The following CAND2 variants were observed in gnomAD, a reference collection of about 807,000 sequenced individuals.
CAND2 encodes the protein cullin-associated NEDD8-dissociated protein 2.
A neutral mutation model predicts 98.9 loss-of-function variants in CAND2; 62 were observed. That is an observed-to-expected ratio of 0.63 (90% CI 0.51 to 0.77). The LOEUF (loss-of-function observed/expected upper bound fraction) is 0.77. Ranked by LOEUF, CAND2 falls within the 30% of genes least tolerant of loss-of-function variation. CAND2 has a pLI of 0.00. For synonymous variants in CAND2, 770 were observed against 731.9 expected (o/e 1.05, Z -0.84); for missense variants, 1,501 against 1,655.2 (o/e 0.91, Z 1.62).
At position 12,819,958 on chromosome 3, in the gene CAND2, C is replaced by T. The variant is rs769674684; in HGVS notation, c.2945-128C>T. 1.3e-5 allele frequency: 9 copies of T among 696,822 alleles called. No individual in the cohort carries two copies. In the African/African-American group the frequency reaches 1.6e-4, roughly 12 times the overall value. The allele number at this position is 696,822 out of a possible 1,614,324, so 43.2% of individuals were successfully genotyped here. A position where few individuals can be genotyped will look rare whatever the true frequency, so the allele number is the denominator to read the frequency against. ...AGGGAAATGGTAGAATCCACTTTCC[C>T]AGAGATGGGGAGGGGGTACAGTTCT... On this transcript the variant is annotated intron_variant, in intron 10 of 14. Coordinates refer to ENST00000456430, the MANE Select transcript of CAND2 (RefSeq NM_001162499.2).
intron 1 of CAND2, among the ~76,000 whole-genome samples, chr3:12,801,686 A>G (rs2061768083): frequency 6.6e-6 from 1 of 152,156 alleles, no homozygotes. Context: ...CCAGTCAGCT[A>G]TTGGCGCTGG....
intron 10 of CAND2, among the ~76,000 whole-genome samples, chr3:12,819,865 C>T (rs1222603379): frequency 6.6e-6 from 1 of 152,142 alleles, no homozygotes; most frequent in African/African-American, 2.4e-5. Context: ...TGTGGTGTTA[C>T]CTGAGCACTG....
intron 2 of CAND2, among the ~76,000 whole-genome samples, chr3:12,804,319 C>T (rs575278045): frequency 3.9e-5 from 6 of 152,030 alleles, no homozygotes; most frequent in South Asian, 2.1e-4. Flanking sequence ...AAAAAGTTGC[C>T]GGGCATGGTG....
At chr3:12,810,013 T>A in intron 4 of CAND2, 46 bp from the exon 5 acceptor site, 1 of 1,379,424 alleles carries the variant, frequency 7.2e-7, no homozygotes. Context: ...CTGGCCCAGG[T>A]TGCCCGCGGA....
At chr3:12,826,512 C>T (rs560384456) in intron 12 of CAND2, among the ~76,000 whole-genome samples, 12 of 152,152 alleles carry the variant, frequency 7.9e-5, no homozygotes, top group Non-Finnish European at 1.8e-4. Context: ...ACTGCAGCCT[C>T]GACCTCCTGG....
chr3:12,817,976 T>C, intron 10 of CAND2, 100 bp downstream of exon 10: 2 of 1,102,368 alleles, frequency 1.8e-6, no homozygotes, highest in Non-Finnish European at 2.5e-6. Context: ...TTCAAGTCAC[T>C]GGATACAAGA....
Position 12,816,825 on chromosome 3 carries a change from C to G in CAND2, c.1893C>G (p.Ile631Met). The change falls in exon 10 of 15, where the codon ATC becomes ATG. Residue 631 changes from isoleucine to methionine, a missense_variant. By Grantham distance (10) the Ile-to-Met change is conservative. This residue lies in a region of CAND2 where 1,427 missense variants were observed against 1,545.3 expected (regional missense o/e 0.92). Transcript: ENST00000456430. The stretch of plus-strand genomic sequence containing the variant: ...ATGAGATCACCCGGCTGCCCGCCAT[C>G]AAGGCGCTTACGCTGGTGGCCGTAT... ...LRNEITRLPAIKALTLVAVSP... is the reference protein window; with the variant it reads ...LRNEITRLPAMKALTLVAVSP... The G allele has an allele frequency of 6.2e-7, 1 of 1,613,752 alleles. No homozygotes were observed. Among genetic ancestry groups the G allele is most frequent in the Non-Finnish European group, 8.5e-7 (1 of 1,180,038 alleles).
chr3:12,804,686 T>C (rs964784683), intron 2 of CAND2, among the ~76,000 whole-genome samples: 2 of 152,136 alleles, frequency 1.3e-5, no homozygotes, highest in African/African-American at 2.4e-5. Flanking sequence ...GCAGAGGTTG[T>C]CAAGCTTGAC....
chr3:12,796,829 G>T lies in CAND2; in HGVS notation c.68+41G>T, dbSNP rs1355382096. ...GGCCCCCTTCTCTCCTTCCCGCTCT[G>T]AAGCCGGGGGCCTTCTTCCCCTCTC... On this transcript the variant is annotated intron_variant, in intron 1 of 14. Transcript: ENST00000456430. The T allele has an allele frequency of 8.6e-6, 13 of 1,514,440 alleles. No individual in the cohort carries two copies. The Admixed American group carries it at 1.2e-4, about 13-fold the overall frequency. 93.8% of individuals were successfully genotyped at this position (1,514,440 alleles called of 1,614,324 possible). A position where few individuals can be genotyped will look rare whatever the true frequency, so the allele number is the denominator to read the frequency against.
chr3:12,830,715 G>A (rs777818986), intron 13 of CAND2, among the ~76,000 whole-genome samples: 2 of 152,190 alleles, frequency 1.3e-5, no homozygotes, highest in Non-Finnish European at 2.9e-5. Context: ...AGTGAACACC[G>A]CCCAGTTCAC....
In CAND2 at chr3:12,834,060, G is replaced by A. The variant is rs370842615; in HGVS notation, c.*78G>A. 6.3e-5 allele frequency: 75 copies of A among 1,196,438 alleles called. 2 individuals carry two copies. Among genetic ancestry groups the A allele is most frequent in the Admixed American group, 2.3e-4 (13 of 55,688 alleles). The allele number at this position is 1,196,438 out of a possible 1,614,324, so 74.1% of individuals were successfully genotyped here. On this transcript the variant is annotated 3_prime_UTR_variant, in exon 15 of 15. Transcript: ENST00000456430. Reference sequence around the variant, plus strand: ...TCCGAGGCCTCCCCATCCCACCATCGCAGGTCTCTACTTTTGCCCTTCCAC... The same window carrying A: ...TCCGAGGCCTCCCCATCCCACCATCACAGGTCTCTACTTTTGCCCTTCCAC...
In CAND2 at chr3:12,817,483, G is replaced by A; in HGVS notation, c.2551G>A (p.Gly851Ser). The A allele has an allele frequency of 6.2e-7, 1 of 1,613,568 alleles. No homozygotes were observed. ...VLAFLSLAEV[G>S]QVAGPGHQRE... ...GGCATTCTTGTCGCTGGCTGAGGTG[G>A]GTCAGGTGGCTGGGCCAGGCCACCA... The change falls in exon 10 of 15, where the codon GGT (glycine) becomes AGT (serine). Residue 851 changes from glycine (G) to serine (S), a missense_variant. This residue lies in a region of CAND2 where 1,427 missense variants were observed against 1,545.3 expected (regional missense o/e 0.92). Transcript: ENST00000456430.
At chr3:12,798,389 C>G (rs1034957200) in intron 1 of CAND2, among the ~76,000 whole-genome samples, 7 of 152,134 alleles carry the variant, frequency 4.6e-5, no homozygotes, top group African/African-American at 1.7e-4. Context: ...CTTTTCAGCC[C>G]TGGGAGACCC....
chr3:12,796,886 G>C, intron 1 of CAND2, 98 bp downstream of exon 1: 1 of 928,730 alleles, frequency 1.1e-6, no homozygotes, highest in Non-Finnish European at 1.7e-6. Context: ...TGACCATGCA[G>C]CCCCCTGCCT....
intron 11 of CAND2, among the ~76,000 whole-genome samples, chr3:12,823,876 G>A (rs1214525021): frequency 6.6e-6 from 1 of 152,242 alleles, no homozygotes; most frequent in Admixed American, 6.5e-5. Context: ...CGTCCTGGGC[G>A]ACAGAGCGAG....
At chr3:12,809,564 T>G (rs1319789590) in intron 4 of CAND2, among the ~76,000 whole-genome samples, 1 of 152,138 alleles carries the variant, frequency 6.6e-6, no homozygotes, top group African/African-American at 2.4e-5. Context: ...AGGCAGGAGC[T>G]GTGCTGTGTG....
At chr3:12,808,362 A>G (rs2124841823) in intron 4 of CAND2, 29 bp downstream of exon 4, 1 of 1,550,272 alleles carries the variant, frequency 6.5e-7, no homozygotes, top group Non-Finnish European at 8.7e-7. Context: ...GGTATTGAGG[A>G]AGAGTGGGTA....
Position 12,803,640 on chromosome 3 carries a change from C to G in CAND2, c.212+9C>G. 1 of 1,592,858 alleles carries G rather than the reference C, an allele frequency of 6.3e-7. No individual in the cohort carries two copies. Among genetic ancestry groups the G allele is most frequent in the East Asian group, 2.3e-5 (1 of 44,190 alleles). Reference sequence around the variant, plus strand: ...AACCTGGCTGTCAAGTGGTGAGTGTCAGCCTCGGTGGAGCAGGAGAGGGGG... The same window carrying G: ...AACCTGGCTGTCAAGTGGTGAGTGTGAGCCTCGGTGGAGCAGGAGAGGGGG... On this transcript the variant is annotated intron_variant, in intron 2 of 14. Transcript: ENST00000456430.
intron 14 of CAND2, among the ~76,000 whole-genome samples, chr3:12,833,334 TAGA>T (rs2062070593): frequency 6.6e-6 from 1 of 152,178 alleles, no homozygotes; most frequent in Non-Finnish European, 1.5e-5. Context: ...AGGAGGCTGC[TAGA>T]AGACCATCGC....
Sources: gnomAD v4.1 joint callset for allele counts (sites outside exome capture counted in the v4.1 genomes callset) on GRCh38, gnomAD v4.1.1 for gene constraint, gnomAD v4.1.1 regional missense constraint, MANE v1.5 for transcripts, NCBI Gene and HGNC (gene_info 2026-07-23, HGNC 2026-07-21) for gene names.